The following GRK5 variants were observed in gnomAD, a reference collection of about 807,000 sequenced individuals.
GRK5 encodes the protein g protein-coupled receptor kinase GRK5.
Under a neutral mutation model 78.4 loss-of-function variants are expected in GRK5, and 40 were observed. That is an observed-to-expected ratio of 0.51 (90% CI 0.40 to 0.66). GRK5 has a LOEUF of 0.66. Among genes scored for constraint, GRK5 ranks in the 30% least tolerant of loss-of-function variants. The pLI is 0.00. For synonymous variants in GRK5, 289 were observed against 296.8 expected, an observed-to-expected ratio of 0.97 and a Z score of 0.27; for missense variants, 598 against 759.9, an observed-to-expected ratio of 0.79 and a Z score of 2.50.
chr10:119,395,498 C>T (rs1276499868), intron 3 of GRK5, among the ~76,000 whole-genome samples: 3 of 152,186 alleles, frequency 2.0e-5, no homozygotes, highest in African/African-American at 7.2e-5. Flanking sequence ...TCATTTCCTT[C>T]CTCTTTTGAA....
intron 2 of GRK5, among the ~76,000 whole-genome samples, chr10:119,341,027 C>T (rs1164572506): frequency 3.9e-5 from 6 of 152,204 alleles, no homozygotes; most frequent in Non-Finnish European, 1.5e-5. Flanking sequence ...AGAGCTGCCC[C>T]TCCCCTCTGC....
At position 119,423,146 on chromosome 10, in the gene GRK5, C is replaced by G. The variant is rs1166556547; in HGVS notation, c.340-20C>G. Reference sequence around the variant, plus strand: ...CTGCTGGCTCCTCACTGACCACCTCCCTTCCCTTCCTTCTTCCAGTCCCCT... The same window carrying G: ...CTGCTGGCTCCTCACTGACCACCTCGCTTCCCTTCCTTCTTCCAGTCCCCT... On this transcript the variant is annotated intron_variant, in intron 4 of 15. Coordinates refer to ENST00000392870, the MANE Select transcript of GRK5 (RefSeq NM_005308.3). The G allele has an allele frequency of 6.4e-7, 1 of 1,558,664 alleles. No individual in the cohort carries two copies. The highest frequency in any genetic ancestry group is 8.9e-7 in the Non-Finnish European group (1 of 1,129,362).
At chr10:119,214,984 C>T (rs963995376) in intron 1 of GRK5, among the ~76,000 whole-genome samples, 1 of 152,182 alleles carries the variant, frequency 6.6e-6, no homozygotes, top group African/African-American at 2.4e-5. Flanking sequence ...GGCGGGTAGA[C>T]GGGCTGCAGT....
intron 10 of GRK5, 125 bp downstream of exon 10, chr10:119,439,893 C>A: frequency 1.3e-6 from 1 of 789,278 alleles, no homozygotes; most frequent in Non-Finnish European, 2.1e-6. Context: ...CTGCTCAGTG[C>A]TGGGTACCTG....
At chr10:119,347,337 G>C (rs1159421935) in intron 2 of GRK5, among the ~76,000 whole-genome samples, 2 of 152,030 alleles carry the variant, frequency 1.3e-5, no homozygotes, top group African/African-American at 4.8e-5. Flanking sequence ...ATTTGTGAGT[G>C]TGCATGTGTG....
At chr10:119,446,803 C>T (rs1853158451) in intron 12 of GRK5, among the ~76,000 whole-genome samples, 1 of 152,244 alleles carries the variant, frequency 6.6e-6, no homozygotes, top group South Asian at 2.1e-4. Flanking sequence ...GCAGCCCCCT[C>T]CAGACCCTGA....
chr10:119,255,453 T>G (rs968146116), intron 1 of GRK5, among the ~76,000 whole-genome samples: 1 of 152,226 alleles, frequency 6.6e-6, no homozygotes, highest in Non-Finnish European at 1.5e-5. Flanking sequence ...ACTTAGAGGC[T>G]CTTTCTGTTT....
At chr10:119,350,864 C>T (rs1851176361) in intron 2 of GRK5, among the ~76,000 whole-genome samples, 1 of 152,210 alleles carries the variant, frequency 6.6e-6, no homozygotes, top group East Asian at 1.9e-4. Flanking sequence ...GGACAGCCCT[C>T]AGAATGTGCT....
chr10:119,219,038 C>T (rs1278764688), intron 1 of GRK5, among the ~76,000 whole-genome samples: 1 of 150,920 alleles, frequency 6.6e-6, no homozygotes. Context: ...GCTGGGACTA[C>T]AGGCACGTGC....
chr10:119,359,379 A>C (rs1208937175), intron 2 of GRK5, among the ~76,000 whole-genome samples: 1 of 152,220 alleles, frequency 6.6e-6, no homozygotes, highest in Non-Finnish European at 1.5e-5. Flanking sequence ...GGTTATGGCA[A>C]GAGGGGAGCC....
At position 119,230,224 on chromosome 10, in the gene GRK5, G is replaced by A. The variant is rs549662359; in HGVS notation, c.52+22255G>A. On this transcript the variant is annotated intron_variant, in intron 1 of 15. Transcript: ENST00000392870. Reference sequence around the variant, plus strand: ...TAGCCGGCCAGGTACGGTAGCTCACGCCTGTAATCCTAGCACTTTGGGAGG... The same window carrying A: ...TAGCCGGCCAGGTACGGTAGCTCACACCTGTAATCCTAGCACTTTGGGAGG... Among the ~76,000 whole-genome samples, 20 of 152,230 alleles carry A rather than the reference G, an allele frequency of 1.3e-4. No homozygotes were observed. In the South Asian group the frequency reaches 2.7e-3, roughly 21 times the overall value.
At chr10:119,275,716 T>G (rs144392453) in intron 1 of GRK5, among the ~76,000 whole-genome samples, 276 of 151,682 alleles carry the variant, frequency 1.8e-3, no homozygotes, top group African/African-American at 6.4e-3. Context: ...ATGACCCCAA[T>G]GAGACTCCAA....
At chr10:119,345,247 C>T (rs963661058) in intron 2 of GRK5, among the ~76,000 whole-genome samples, 13 of 152,278 alleles carry the variant, frequency 8.5e-5, no homozygotes, top group Non-Finnish European at 1.5e-4. Flanking sequence ...GGATTACAGG[C>T]GTGAGCCACC....
At chr10:119,381,666 T>G (rs866707800) in intron 3 of GRK5, among the ~76,000 whole-genome samples, 1 of 152,164 alleles carries the variant, frequency 6.6e-6, no homozygotes. Flanking sequence ...CCAACTGCCC[T>G]TGGGTTTCTA....
chr10:119,433,115 A>C (rs142955847), intron 8 of GRK5, among the ~76,000 whole-genome samples: 85 of 152,176 alleles, frequency 5.6e-4, no homozygotes, highest in African/African-American at 2.0e-3. Context: ...GACCAGTGGC[A>C]CTCCCAGAGG....
intron 2 of GRK5, among the ~76,000 whole-genome samples, chr10:119,371,081 TCTTA>T (rs1300518729): frequency 6.6e-6 from 1 of 151,886 alleles, no homozygotes; most frequent in African/African-American, 2.4e-5. Flanking sequence ...CCGTCCTTGC[TCTTA>T]CTTCTGAAAT....
chr10:119,347,767 G>C (rs555905953), intron 2 of GRK5, among the ~76,000 whole-genome samples: 2 of 152,246 alleles, frequency 1.3e-5, no homozygotes, highest in East Asian at 1.9e-4. Context: ...ACCAGTAGGC[G>C]TGTCTGCCTT....
intron 1 of GRK5, among the ~76,000 whole-genome samples, chr10:119,256,240 T>G (rs958373773): frequency 2.6e-5 from 4 of 152,130 alleles, no homozygotes; most frequent in Non-Finnish European, 4.4e-5. Flanking sequence ...GTGGAGACTC[T>G]GCATTCCCGG....
chr10:119,394,146 ATG>A (rs1851940916), intron 3 of GRK5, among the ~76,000 whole-genome samples: 2 of 40,492 alleles, frequency 4.9e-5, no homozygotes, highest in East Asian at 5.9e-4. Flanking sequence ...ATCTGTGGGT[ATG>A]TGTGTCTGTG....
Sources: allele counts gnomAD v4.1 joint callset (sites outside exome capture counted in the v4.1 genomes callset), GRCh38; gene constraint gnomAD v4.1.1; transcripts MANE v1.5; gene names NCBI Gene and HGNC (gene_info 2026-07-23, HGNC 2026-07-21).